Variants in RMDN3 observed in about 807,000 individuals in gnomAD.
The protein encoded by RMDN3 is regulator of microtubule dynamics protein 3.
RMDN3 carries 41 observed loss-of-function variants against 61.8 expected under a neutral mutation model. That is an observed-to-expected ratio of 0.66 (90% CI 0.52 to 0.86). The LOEUF is 0.86. Among genes scored for constraint, RMDN3 ranks in the 40% least tolerant of loss-of-function variants. The probability of loss-of-function intolerance (pLI) is 0.00; values close to 1 mark genes in which losing one functional copy is unlikely to be tolerated. For synonymous variants in RMDN3, 247 were observed against 232.0 expected (o/e 1.06, Z -0.59); for missense variants, 557 against 585.3 (o/e 0.95, Z 0.50).
intron 4 of RMDN3, among the ~76,000 whole-genome samples, chr15:40,745,530 A>AT (rs1897500774): frequency 6.7e-6 from 1 of 150,108 alleles, no homozygotes; most frequent in Non-Finnish European, 1.5e-5. Context: ...CTCCCACCTA[A>AT]TTTTTTTGTA....
intron 4 of RMDN3, among the ~76,000 whole-genome samples, chr15:40,750,163 C>T (rs909192106): frequency 1.3e-5 from 2 of 150,728 alleles, no homozygotes; most frequent in African/African-American, 2.4e-5. Flanking sequence ...AAACTCCCGG[C>T]CTCCCAAGTA....
chr15:40,736,735 A>C, intron 12 of RMDN3, 141 bp from the exon 13 acceptor site: 4 of 702,792 alleles, frequency 5.7e-6, no homozygotes, highest in Non-Finnish European at 9.7e-6. Context: ...GATAGCCTGG[A>C]GCCTATTAAA....
Position 40,744,034 on chromosome 15 carries a change from T to TGTCA in RMDN3, c.910+9_910+12dup. ...AGTCAGTCACCTTCCCACAGGAAGCTGTCAGCACTTACCATCTAGGGCATA... is the reference window on the plus strand; with the variant it reads ...AGTCAGTCACCTTCCCACAGGAAGCTGTCAGTCAGCACTTACCATCTAGGGCATA... On this transcript the variant is annotated intron_variant, in intron 6 of 12. Coordinates refer to ENST00000338376, the MANE Select transcript of RMDN3 (RefSeq NM_018145.3). 6.2e-7 allele frequency: 1 copy of TGTCA among 1,604,426 alleles called. No individual in the cohort carries two copies. Among genetic ancestry groups the TGTCA allele is most frequent in the Non-Finnish European group, 8.5e-7 (1 of 1,174,578 alleles).
chr15:40,752,890 G>C (rs76609813), intron 2 of RMDN3, among the ~76,000 whole-genome samples: 2 of 152,074 alleles, frequency 1.3e-5, no homozygotes, highest in Non-Finnish European at 2.9e-5. Flanking sequence ...CCTACAATAC[G>C]GCAAGCATAA....
intron 6 of RMDN3, among the ~76,000 whole-genome samples, chr15:40,741,743 G>C (rs193047194): frequency 6.8e-6 from 1 of 147,378 alleles, no homozygotes; most frequent in Non-Finnish European, 1.5e-5. Context: ...ATTCTCCTGC[G>C]TCAGCCTCCC....
chr15:40,747,992 G>A (rs1032865244), intron 4 of RMDN3, among the ~76,000 whole-genome samples: 3 of 152,140 alleles, frequency 2.0e-5, no homozygotes, highest in Non-Finnish European at 4.4e-5. Context: ...AGATGCCTGG[G>A]AAGGCTTGCT....
chr15:40,750,579 G>A (rs916180546), intron 4 of RMDN3, among the ~76,000 whole-genome samples: 9 of 151,598 alleles, frequency 5.9e-5, no homozygotes, highest in African/African-American at 2.2e-4. Context: ...GCCTCCCAAA[G>A]TGCTGGGATT....
At chr15:40,750,949 G>A (rs2141924365) in intron 4 of RMDN3, among the ~76,000 whole-genome samples, 1 of 152,332 alleles carries the variant, frequency 6.6e-6, no homozygotes, top group South Asian at 2.1e-4. Context: ...CCGCCTCACA[G>A]AAAGGCCTAT....
At position 40,754,583 on chromosome 15, in the gene RMDN3, AG is replaced by A; in HGVS notation, c.187+13del. The A allele has an allele frequency of 2.5e-6, 4 of 1,604,076 alleles. No individual in the cohort carries two copies. The highest frequency in any genetic ancestry group is 3.4e-6 in the Non-Finnish European group (4 of 1,173,732). ...AGTCTGCAGTGACCGCGGTCTCAGG[AG>A]ACGGGCTCCTACCGTGGCGTCCGGG... On this transcript the variant is annotated intron_variant, in intron 2 of 12. Coordinates refer to ENST00000338376, the MANE Select transcript of RMDN3 (RefSeq NM_018145.3).
At chr15:40,751,829 G>A (rs1168448129) in intron 3 of RMDN3, among the ~76,000 whole-genome samples, 157 bp downstream of exon 3, 1 of 152,230 alleles carries the variant, frequency 6.6e-6, no homozygotes, top group African/African-American at 2.4e-5. Flanking sequence ...AGGAGCATGT[G>A]CAAGGCGAGG....
intron 4 of RMDN3, among the ~76,000 whole-genome samples, chr15:40,750,305 T>C (rs948876190): frequency 6.8e-6 from 1 of 146,798 alleles, no homozygotes; most frequent in African/African-American, 2.5e-5. Flanking sequence ...CTGAAACCTC[T>C]GCCTCCTGGG....
At chr15:40,741,077 CA>C (rs757851447) in intron 6 of RMDN3, among the ~76,000 whole-genome samples, 7 of 149,524 alleles carry the variant, frequency 4.7e-5, no homozygotes, top group Admixed American at 1.3e-4. Flanking sequence ...AACTCCACCT[CA>C]AAAAAAACAA....
chr15:40,736,422 T>G lies in RMDN3; in HGVS notation c.*119A>C. The G allele has an allele frequency of 3.5e-6, 3 of 861,628 alleles. No homozygotes were observed. Among genetic ancestry groups the G allele is most frequent in the Non-Finnish European group, 5.7e-6 (3 of 524,360 alleles). 53.4% of individuals were successfully genotyped at this position (861,628 alleles called of 1,614,324 possible). ...AATGGGGAGTGGTAGTGGGTAGCAG[T>G]CAGACCCAGGAGACAGATTTGTGTG... On this transcript the variant is annotated 3_prime_UTR_variant, in exon 13 of 13. Coordinates refer to ENST00000338376, the MANE Select transcript of RMDN3 (RefSeq NM_018145.3).
intron 3 of RMDN3, 103 bp from the exon 4 acceptor site, chr15:40,751,672 TA>T: frequency 6.6e-7 from 1 of 1,524,566 alleles, no homozygotes; most frequent in Non-Finnish European, 9.0e-7. Context: ...ATTAAAGGGC[TA>T]AAAGCAGAGA....
chr15:40,740,062 GAGAAA>G, intron 7 of RMDN3, 66 bp downstream of exon 7: 1 of 1,021,980 alleles, frequency 9.8e-7, no homozygotes, highest in Non-Finnish European at 1.5e-6. Context: ...GGCCCAGGCA[GAGAAA>G]AGAAAGGGCT....
chr15:40,737,905 A>AGGAAATC, intron 9 of RMDN3, 60 bp downstream of exon 9: 1 of 1,578,066 alleles, frequency 6.3e-7, no homozygotes, highest in Non-Finnish European at 8.7e-7. Flanking sequence ...CTTCCTGGCA[A>AGGAAATC]GGAAATCGGT....
In RMDN3 at chr15:40,736,457, T is replaced by C; in HGVS notation, c.*84A>G. 2 of 1,242,400 alleles carry C rather than the reference T, an allele frequency of 1.6e-6. No individual in the cohort carries two copies. Among genetic ancestry groups the C allele is most frequent in the Non-Finnish European group, 2.4e-6 (2 of 849,662 alleles). 77.0% of individuals were successfully genotyped at this position (1,242,400 alleles called of 1,614,324 possible). The stretch of plus-strand genomic sequence containing the variant: ...GAGACAGATTTGTGTGGTTTCCTGA[T>C]CTCAGCAAGGTCTAAGGAAAAAAGC... On this transcript the variant is annotated 3_prime_UTR_variant, in exon 13 of 13. Transcript: ENST00000338376.
In RMDN3 at chr15:40,737,637, G is replaced by A. The variant is rs974085696; in HGVS notation, c.1215C>T (p.Ser405=). 7 of 1,613,806 alleles carry A rather than the reference G, an allele frequency of 4.3e-6. No homozygotes were observed. Among genetic ancestry groups the A allele is most frequent in the Non-Finnish European group, 5.9e-6 (7 of 1,179,832 alleles). ...LSATVEDALQ[S]FLKAEELQPG... The stretch of plus-strand genomic sequence containing the variant: ...CCTGCCCCTCTCATACCTTTAGGAA[G>A]CTCTGGAGGGCATCTTCCACAGTGG... Residue 405 remains serine, a synonymous_variant, in exon 10 of 13, where the codon AGC becomes AGT. Transcript: ENST00000338376.
Position 40,744,063 on chromosome 15 carries a change from C to T in RMDN3, c.894G>A (p.Lys298=). Residue 298 remains lysine (K), a synonymous_variant, in exon 6 of 13, where the codon AAG becomes AAA. Transcript: ENST00000338376. ...CELTEEVSEK[K]SYALDGKEEA... ...AGCACTTACCATCTAGGGCATATGA[C>T]TTCTTCTCGCTCACCTCCTCAGTGA... 6.2e-7 allele frequency: 1 copy of T among 1,613,002 alleles called. No homozygotes were observed. The highest frequency in any genetic ancestry group is 8.5e-7 in the Non-Finnish European group (1 of 1,179,750).
Sources: gnomAD v4.1 joint callset for allele counts (sites outside exome capture counted in the v4.1 genomes callset) on GRCh38, gnomAD v4.1.1 for gene constraint, MANE v1.5 for transcripts, NCBI Gene and HGNC (gene_info 2026-07-23, HGNC 2026-07-21) for gene names.